The following PRX variants were observed in gnomAD, a reference collection of about 807,000 sequenced individuals.
The protein encoded by PRX is periaxin.
PRX carries 24 observed loss-of-function variants against 29.6 expected under a neutral mutation model. The ratio of observed to expected loss-of-function variants is 0.81; its 90% CI spans 0.59 to 1.14. The LOEUF (loss-of-function observed/expected upper bound fraction) is 1.14, where lower values mean the gene tolerates loss of function less well. Among genes scored for constraint, PRX ranks in the 50% most tolerant of loss-of-function variants. The probability of loss-of-function intolerance (pLI) is 0.00; values close to 1 mark genes in which losing one functional copy is unlikely to be tolerated. For missense variants in PRX, 1,838 were observed against 1,926.4 expected (o/e 0.95, Z 0.86); for synonymous variants, 772 against 831.7 (o/e 0.93, Z 1.24).
chr19:40,402,118 C>T (rs1037276066), intron 5 of PRX, among the ~76,000 whole-genome samples: 3 of 151,910 alleles, frequency 2.0e-5, no homozygotes, highest in Admixed American at 6.6e-5. Context: ...TTTGGGAGGC[C>T]GAGGAGGGCG....
chr19:40,406,910 AC>A (rs1043429646), intron 4 of PRX, among the ~76,000 whole-genome samples: 4 of 151,330 alleles, frequency 2.6e-5, no homozygotes, highest in African/African-American at 7.3e-5. Context: ...AGTAGCTGGG[AC>A]TACAGGTGTG....
Position 40,411,998 on chromosome 19 carries a change from C to A in PRX, c.-243+1340G>T, listed in dbSNP as rs539756749. 1.2e-4 allele frequency among the ~76,000 whole-genome samples: 18 copies of A among 152,354 alleles called. No homozygotes were observed. The East Asian group carries it at 2.9e-3, about 24-fold the overall frequency. Reference sequence around the variant, plus strand: ...TTGTAACATCTCCCTGGAGTGGGTACAACTGAGATATCCATTTCAGATGCG... The same window carrying A: ...TTGTAACATCTCCCTGGAGTGGGTAAAACTGAGATATCCATTTCAGATGCG... On this transcript the variant is annotated intron_variant, in intron 1 of 6. Transcript: ENST00000324001.
chr19:40,411,538 G>A (rs2079558834), intron 1 of PRX, among the ~76,000 whole-genome samples: 1 of 152,164 alleles, frequency 6.6e-6, no homozygotes, highest in Non-Finnish European at 1.5e-5. Context: ...CATGCCCGGA[G>A]CCTGGCACAG....
At position 40,394,604 on chromosome 19, in the gene PRX, G is replaced by A. The variant is rs933445106; in HGVS notation, c.3748C>T (p.Leu1250=). ...EGGLRLKLPT[L]GARARVGGEG... is the part of the protein sequence containing the mutation. ...CCCCCCACCCTAGCTCTGGCCCCCAGTGTGGGCAACTTCAGCCTCAGCCCA... is the reference window on the plus strand; with the variant it reads ...CCCCCCACCCTAGCTCTGGCCCCCAATGTGGGCAACTTCAGCCTCAGCCCA... The change falls in exon 7 of 7, where the codon CTG becomes TTG. Residue 1250 remains leucine, a synonymous_variant. Transcript: ENST00000324001. This position sits in a 1 kb window ranked among gnomAD's most constrained non-coding sequence, Gnocchi z 5.8. 2.7e-5 allele frequency: 43 copies of A among 1,608,248 alleles called. No individual in the cohort carries two copies. Among genetic ancestry groups the A allele is most frequent in the Non-Finnish European group, 3.6e-5 (43 of 1,179,242 alleles).
intron 1 of PRX, among the ~76,000 whole-genome samples, chr19:40,408,989 C>T (rs2079546131): frequency 6.6e-6 from 1 of 152,006 alleles, no homozygotes; most frequent in Non-Finnish European, 1.5e-5. Flanking sequence ...CACCTTGGGA[C>T]TACAGGTACG....
intron 1 of PRX, among the ~76,000 whole-genome samples, chr19:40,411,694 G>C (rs547099179): frequency 1.3e-5 from 2 of 152,266 alleles, no homozygotes; most frequent in African/African-American, 4.8e-5. Context: ...GGGCAGCTTC[G>C]GAAGGAAACC....
rs71171569 is a variant in PRX at position 40,400,592 on chromosome 19, C to CAAAAAAAAAAAAAAAAAAAAAA, written c.185-1798_185-1777dup. 4.7e-4 allele frequency among the ~76,000 whole-genome samples: 21 copies of CAAAAAAAAAAAAAAAAAAAAAA among 44,832 alleles called. 3 individuals carry two copies. The highest frequency in any genetic ancestry group is 1.5e-3 in the African/African-American group (15 of 10,146). The allele number at this position is 44,832 out of a possible 152,430, so 29.4% of individuals were successfully genotyped here. Reference sequence around the variant, plus strand: ...GGGCAACAAGAGCGAAATTCCATCTCAAAAAAAAAAAAAAAAAAAAAAAAA... The same window carrying CAAAAAAAAAAAAAAAAAAAAAA: ...GGGCAACAAGAGCGAAATTCCATCTCAAAAAAAAAAAAAAAAAAAAAAAAAAAAAAAAAAAAAAAAAAAAAAA... On this transcript the variant is annotated intron_variant, in intron 5 of 6. Transcript: ENST00000324001.
intron 4 of PRX, among the ~76,000 whole-genome samples, chr19:40,407,180 GCCCATGT>G (rs1445541845): frequency 6.7e-6 from 1 of 150,168 alleles, no homozygotes. Context: ...ATGGGTCCAA[GCCCATGT>G]CCTTAACTCC....
chr19:40,400,277 C>T (rs2079484735), intron 5 of PRX, among the ~76,000 whole-genome samples: 1 of 148,826 alleles, frequency 6.7e-6, no homozygotes, highest in African/African-American at 2.5e-5. Flanking sequence ...CCACCGTGCC[C>T]AGCCCCTCCT....
rs751974905 is a variant in PRX, at chr19:40,407,957, C to T, written c.-25G>A. 3.7e-6 allele frequency: 6 copies of T among 1,613,610 alleles called. No homozygotes were observed. In the Admixed American group the frequency reaches 8.3e-5, roughly 22 times the overall value. On this transcript the variant is annotated 5_prime_UTR_variant, in exon 4 of 7. Transcript: ENST00000324001. ...TGGCGTTGCTGGGAGGCACCTGCAC[C>T]CCAGGCTCCTGTGTCCTCTCCCCTT...
At chr19:40,406,031 G>T (rs1283067506) in intron 4 of PRX, among the ~76,000 whole-genome samples, 1 of 151,536 alleles carries the variant, frequency 6.6e-6, no homozygotes, top group Non-Finnish European at 1.5e-5. Flanking sequence ...AGGATCACCT[G>T]AGGTCAGGAG....
chr19:40,400,753 T>C (rs2079489029), intron 5 of PRX, among the ~76,000 whole-genome samples: 1 of 152,042 alleles, frequency 6.6e-6, no homozygotes. Context: ...CTCTGGCCTC[T>C]TAAAGACACA....
chr19:40,412,784 C>T (rs534448025), intron 1 of PRX, among the ~76,000 whole-genome samples: 1 of 152,300 alleles, frequency 6.6e-6, no homozygotes, highest in African/African-American at 2.4e-5. Flanking sequence ...GGTGTGATCA[C>T]GGCTCACTGC....
At position 40,394,088 on chromosome 19, in the gene PRX, G is replaced by C. The variant is rs765667981; in HGVS notation, c.4264C>G (p.Arg1422Gly). ...TCTTCCTGGTCCCCACTCCCACTCC[G>C]GGCCTTGGGGCTTAGGGACACCCTG... ...FPRVSLSPKA[R>G]SGSGDQEEGG... The change falls in exon 7 of 7, where the codon CGG becomes GGG. Residue 1422 changes from arginine to glycine, a missense_variant. This residue lies in a region of PRX where 1,143 missense variants were observed against 1,193.0 expected (regional missense o/e 0.96). Transcript: ENST00000324001. This position sits in a 1 kb window ranked among gnomAD's most constrained non-coding sequence, Gnocchi z 5.8. The C allele has an allele frequency of 6.2e-7, 1 of 1,610,936 alleles. No homozygotes were observed. The highest frequency in any genetic ancestry group is 1.3e-5 in the African/African-American group (1 of 74,960).
intron 5 of PRX, among the ~76,000 whole-genome samples, chr19:40,402,031 C>T (rs1190542078): frequency 1.3e-5 from 2 of 152,078 alleles, no homozygotes; most frequent in South Asian, 2.1e-4. Context: ...TAGGATTATG[C>T]ACCCAGCCAA....
In PRX at chr19:40,398,729, T is replaced by C. The variant is rs1168618591; in HGVS notation, c.272A>G (p.Lys91Arg). 1 of 1,614,016 alleles carries C rather than the reference T, an allele frequency of 6.2e-7. No individual in the cohort carries two copies. The highest frequency in any genetic ancestry group is 2.2e-5 in the East Asian group (1 of 44,878). Residue 91 changes from lysine to arginine, a missense_variant, in exon 6 of 7, where the codon AAA becomes AGA. Lys to Arg is a conservative substitution (Grantham distance 26). Transcript: ENST00000324001. The surrounding 1 kb of genome is among the most constrained non-coding windows in gnomAD (Gnocchi z 6.3). ...LRLLQCAEPY[K>R]VSFCLKRTVP... ...AGTGCGCTTCAGGCAGAAGGAGACT[T>C]TGTAAGGCTCGGCGCATTGCAGCAG...
In PRX at chr19:40,394,889, C is replaced by T. The variant is rs866496776; in HGVS notation, c.3463G>A (p.Val1155Met). 6.2e-7 allele frequency: 1 copy of T among 1,611,430 alleles called. No individual in the cohort carries two copies. Among genetic ancestry groups the T allele is most frequent in the East Asian group, 2.2e-5 (1 of 44,866 alleles). The change falls in exon 7 of 7, where the codon GTG becomes ATG. Residue 1155 changes from valine (V) to methionine (M), a missense_variant. Val to Met is a conservative substitution (Grantham distance 21, BLOSUM62 1). Transcript: ENST00000324001. This position sits in a 1 kb window ranked among gnomAD's most constrained non-coding sequence, Gnocchi z 5.8. The stretch of plus-strand genomic sequence containing the variant: ...GCCTCCCCAAAGCCGGTCAGCTCCA[C>T]CTGTGGCAGGGAGATGCCCAGCGGA... Reference protein sequence around the residue: ...MPPLGISLPQVELTGFGEAGT... With the variant: ...MPPLGISLPQMELTGFGEAGT...
rs769945580 is a variant in PRX at position 40,397,508 on chromosome 19, C to T, written c.844G>A (p.Ala282Thr). 1 of 1,550,278 alleles carries T rather than the reference C, an allele frequency of 6.5e-7. No individual in the cohort carries two copies. Among genetic ancestry groups the T allele is most frequent in the South Asian group, 1.2e-5 (1 of 85,180 alleles). The change falls in exon 7 of 7, where the codon GCT becomes ACT. Residue 282 changes from alanine (A) to threonine (T), a missense_variant. Physicochemically the swap from Ala to Thr is moderately conservative, Grantham distance 58. Around this residue, in one of 3 missense-constraint regions of PRX, gnomAD observed 666 missense variants for 665.0 expected, o/e 1.00. Transcript: ENST00000324001. ...TLGLGAPAPP[A>T]VEAPAVGIQV... ...ATTCCCACGGCTGGGGCCTCCACAG[C>T]AGGCGGAGCCGGGGCTCCGAGCCCA... is the stretch of plus-strand genomic sequence containing the variant.
chr19:40,413,013 C>T (rs1391391368), intron 1 of PRX, among the ~76,000 whole-genome samples: 1 of 152,178 alleles, frequency 6.6e-6, no homozygotes, highest in African/African-American at 2.4e-5. Flanking sequence ...AGGCATGAGC[C>T]ACCATGCCTG....
Sources: gnomAD v4.1 joint callset for allele counts (sites outside exome capture counted in the v4.1 genomes callset) on GRCh38, gnomAD v4.1.1 for gene constraint, gnomAD v4.1.1 regional missense constraint, Gnocchi (gnomAD v3.1) non-coding constraint, MANE v1.5 for transcripts, NCBI Gene and HGNC (gene_info 2026-07-23, HGNC 2026-07-21) for gene names.